Variants in PRKG1 observed in about 807,000 individuals in gnomAD.
PRKG1 encodes the protein protein kinase cGMP-dependent 1.
Under a neutral mutation model 88.1 loss-of-function variants are expected in PRKG1, and 35 were observed. The ratio of observed to expected loss-of-function variants is 0.40; its 90% CI spans 0.30 to 0.53. PRKG1 has a LOEUF of 0.53. Ranked by LOEUF, PRKG1 falls within the 20% of genes least tolerant of loss-of-function variation. The pLI, the probability that PRKG1 is intolerant of heterozygous loss-of-function variation, is 0.59. For missense variants in PRKG1, 540 were observed against 839.8 expected (o/e 0.64, Z 4.41); for synonymous variants, 303 against 292.5 (o/e 1.04, Z -0.37).
chr10:51,943,670 T>A (rs1350604853), intron 5 of PRKG1, among the ~76,000 whole-genome samples: 1 of 152,120 alleles, frequency 6.6e-6, no homozygotes, highest in African/African-American at 2.4e-5. Context: ...TGAAGGGCTG[T>A]TGAACTTTGT....
At chr10:51,493,404 G>C (rs1370670057) in intron 3 of PRKG1, among the ~76,000 whole-genome samples, 1 of 152,100 alleles carries the variant, frequency 6.6e-6, no homozygotes, top group Admixed American at 6.5e-5. Context: ...CTTAAAGTAA[G>C]TCATCACTAT....
chr10:51,015,872 A>G (rs1282282952), intron 1 of PRKG1, among the ~76,000 whole-genome samples: 2 of 152,128 alleles, frequency 1.3e-5, no homozygotes, highest in African/African-American at 4.8e-5. Context: ...GGGTGACAAG[A>G]GTGAGACTCT....
chr10:51,277,458 T>A (rs1232775448), intron 2 of PRKG1, among the ~76,000 whole-genome samples: 1 of 151,254 alleles, frequency 6.6e-6, no homozygotes, highest in Non-Finnish European at 1.5e-5. Context: ...CTTTTTTGGT[T>A]CCATATGAAC....
intron 3 of PRKG1, among the ~76,000 whole-genome samples, chr10:51,634,169 C>T (rs1045918436): frequency 1.3e-5 from 2 of 151,990 alleles, no homozygotes; most frequent in African/African-American, 4.8e-5. Flanking sequence ...TAAACCTACC[C>T]TAGGTACTAG....
At chr10:51,325,396 A>G (rs1841563293) in intron 2 of PRKG1, among the ~76,000 whole-genome samples, 1 of 152,040 alleles carries the variant, frequency 6.6e-6, no homozygotes, top group Admixed American at 6.6e-5. Context: ...ACGCAGTTTC[A>G]CCATGTTGGC....
At position 51,280,598 on chromosome 10, in the gene PRKG1, G is replaced by A. The variant is rs182032182; in HGVS notation, c.478+127268G>A. 5.9e-3 allele frequency among the ~76,000 whole-genome samples: 884 copies of A among 150,904 alleles called. 4 individuals are homozygous for A. The highest frequency in any genetic ancestry group is 0.013 in the Admixed American group (196 of 15,136). ...TTACTCTTTTTTCTCTAAACTTCTCGCTTCATTTCATTCATTTGATCTTCC... is the reference window on the plus strand; with the variant it reads ...TTACTCTTTTTTCTCTAAACTTCTCACTTCATTTCATTCATTTGATCTTCC... On this transcript the variant is annotated intron_variant, in intron 2 of 17. Coordinates refer to ENST00000373980, the MANE Select transcript of PRKG1 (RefSeq NM_006258.4).
intron 5 of PRKG1, among the ~76,000 whole-genome samples, chr10:51,934,112 A>G (rs1842752857): frequency 6.6e-6 from 1 of 152,182 alleles, no homozygotes; most frequent in Admixed American, 6.6e-5. Flanking sequence ...ATTGAAAGAA[A>G]GAAAAGCTTT....
chr10:51,212,139 C>T (rs111272442), intron 2 of PRKG1, among the ~76,000 whole-genome samples: 2,948 of 151,938 alleles, frequency 0.019, 37 homozygotes, highest in Middle Eastern at 0.048. Flanking sequence ...TGGAACAGAA[C>T]AGAGCCCTCA....
intron 3 of PRKG1, among the ~76,000 whole-genome samples, chr10:51,656,704 C>T (rs1288914091): frequency 6.6e-6 from 1 of 152,056 alleles, no homozygotes. Context: ...CATGTCATCC[C>T]CTGCGCAAAA....
chr10:51,666,293 C>T (rs1317303321), intron 3 of PRKG1, among the ~76,000 whole-genome samples: 1 of 152,170 alleles, frequency 6.6e-6, no homozygotes, highest in Non-Finnish European at 1.5e-5. Flanking sequence ...TCTCCAACCA[C>T]AAGCCCGACA....
chr10:51,738,846 C>A lies in PRKG1; in HGVS notation c.593-65739C>A, dbSNP rs1444749369. Reference sequence around the variant, plus strand: ...TCATGGCACTCCCTGATAGTGAATGCTGTGAATTGTAAAACTGATAATATT... The same window carrying A: ...TCATGGCACTCCCTGATAGTGAATGATGTGAATTGTAAAACTGATAATATT... On this transcript the variant is annotated intron_variant, in intron 3 of 17. Coordinates refer to ENST00000373980, the MANE Select transcript of PRKG1 (RefSeq NM_006258.4). 2.6e-5 allele frequency among the ~76,000 whole-genome samples: 4 copies of A among 152,120 alleles called. No homozygotes were observed. The East Asian group carries it at 7.7e-4, about 29-fold the overall frequency.
At chr10:52,238,449 A>C (rs1208237816) in intron 9 of PRKG1, among the ~76,000 whole-genome samples, 2 of 151,842 alleles carry the variant, frequency 1.3e-5, no homozygotes, top group African/African-American at 4.9e-5. Flanking sequence ...TCCAGAATCT[A>C]CAGTGAACTC....
intron 3 of PRKG1, among the ~76,000 whole-genome samples, chr10:51,655,651 C>G (rs1444841096): frequency 6.6e-6 from 1 of 151,958 alleles, no homozygotes; most frequent in Non-Finnish European, 1.5e-5. Context: ...AAGTGGGAAT[C>G]TATTAAGTCT....
At position 51,804,449 on chromosome 10, in the gene PRKG1, T is replaced by G; in HGVS notation, c.593-136T>G. On this transcript the variant is annotated intron_variant, in intron 3 of 17. Transcript: ENST00000373980. ...ATGAAATAGGATAGCATTGTGATATTAGCTTTAAATGTTTGTAAAAAGTCA... is the reference window on the plus strand; with the variant it reads ...ATGAAATAGGATAGCATTGTGATATGAGCTTTAAATGTTTGTAAAAAGTCA... 4.7e-6 allele frequency: 3 copies of G among 634,220 alleles called. 1 individual carries two copies. In the South Asian group the frequency reaches 6.0e-5, roughly 13 times the overall value. The allele number at this position is 634,220 out of a possible 1,614,324, so 39.3% of individuals were successfully genotyped here. A position where few individuals can be genotyped will look rare whatever the true frequency, so the allele number is the denominator to read the frequency against.
intron 3 of PRKG1, among the ~76,000 whole-genome samples, chr10:51,492,929 A>G (rs1192436450): frequency 6.6e-6 from 1 of 152,186 alleles, no homozygotes; most frequent in Admixed American, 6.5e-5. Context: ...TTATCTCAAA[A>G]TGTGGGAAAT....
chr10:51,795,870 A>C (rs934237076), intron 3 of PRKG1, among the ~76,000 whole-genome samples: 35 of 152,128 alleles, frequency 2.3e-4, no homozygotes, highest in Admixed American at 1.8e-3. Flanking sequence ...TGGATCAGCA[A>C]ACATTTTAAA....
chr10:51,168,718 A>T (rs932806806), intron 2 of PRKG1, among the ~76,000 whole-genome samples: 1 of 152,168 alleles, frequency 6.6e-6, no homozygotes, highest in African/African-American at 2.4e-5. Flanking sequence ...TCTCCTCCAC[A>T]TCACACATAT....
At chr10:52,267,943 C>T (rs1841620145) in intron 10 of PRKG1, among the ~76,000 whole-genome samples, 1 of 152,030 alleles carries the variant, frequency 6.6e-6, no homozygotes, top group African/African-American at 2.4e-5. Flanking sequence ...GTTGGTTTAT[C>T]AGAAGATTTC....
At chr10:52,138,872 A>G (rs774703997) in intron 8 of PRKG1, among the ~76,000 whole-genome samples, 11 of 152,096 alleles carry the variant, frequency 7.2e-5, no homozygotes, top group Non-Finnish European at 1.5e-4. Context: ...TGATATATTC[A>G]TGCCATATAT....
Sources: gnomAD v4.1 joint callset for allele counts (sites outside exome capture counted in the v4.1 genomes callset) on GRCh38, gnomAD v4.1.1 for gene constraint, MANE v1.5 for transcripts, NCBI Gene and HGNC (gene_info 2026-07-23, HGNC 2026-07-21) for gene names.